ITPR1: variants seen among roughly 807,000 people sequenced by gnomAD.
ITPR1 encodes the protein inositol 1,4,5-trisphosphate-gated calcium channel ITPR1.
ITPR1 carries 96 observed loss-of-function variants against 318.4 expected under a neutral mutation model. The ratio of observed to expected loss-of-function variants is 0.30; its 90% CI spans 0.26 to 0.36. The LOEUF (loss-of-function observed/expected upper bound fraction) is 0.36, where lower values mean the gene tolerates loss of function less well. Among genes scored for constraint, ITPR1 ranks in the 10% least tolerant of loss-of-function variants. ITPR1 has a pLI of 1.00. For missense variants in ITPR1, 2,440 were observed against 3,460.2 expected, an observed-to-expected ratio of 0.71 and a Z score of 7.40; for synonymous variants, 1,312 against 1,289.9, an observed-to-expected ratio of 1.02 and a Z score of -0.37.
chr3:4,825,787 T>G, intron 60 of ITPR1: 1 of 456,816 alleles, frequency 2.2e-6, no homozygotes. Flanking sequence ...AGACACTTTC[T>G]GAAGTTGGGG....
Position 4,542,570 on chromosome 3 carries a change from A to G in ITPR1, c.163+21476A>G, listed in dbSNP as rs140220802. Among the ~76,000 whole-genome samples the G allele has an allele frequency of 7.3e-4, 111 of 152,194 alleles. No individual in the cohort carries two copies. The East Asian group carries it at 0.018, about 25-fold the overall frequency. ...TTATCTTGACTTTGGCTCTAGGTAT[A>G]AGAGAGAAAACTCTCCTCGTAGTTC... On this transcript the variant is annotated intron_variant, in intron 4 of 61. Transcript: ENST00000649015.
rs75162100 is a variant in ITPR1, at chr3:4,767,992, C to T, written c.5726-519C>T. Among the ~76,000 whole-genome samples, 1,249 of 152,270 alleles carry T rather than the reference C, an allele frequency of 8.2e-3. 6 individuals are homozygous for T. Among genetic ancestry groups the T allele is most frequent in the African/African-American group, 0.019 (776 of 41,540 alleles). On this transcript the variant is annotated intron_variant, in intron 45 of 61. Coordinates refer to ENST00000649015, the MANE Select transcript of ITPR1 (RefSeq NM_001378452.1). ...AGCATTCGAACCCAGCGTGTCTGGC[C>T]GCAGAGTCAGTACTGCTAACTGTAA...
intron 2 of ITPR1, among the ~76,000 whole-genome samples, chr3:4,498,938 G>A (rs2080812971): frequency 6.6e-6 from 1 of 152,222 alleles, no homozygotes; most frequent in African/African-American, 2.4e-5. Flanking sequence ...TCCTTAATAA[G>A]TGAAGTGGAC....
At chr3:4,790,691 G>A (rs997213319) in intron 52 of ITPR1, among the ~76,000 whole-genome samples, 1 of 152,200 alleles carries the variant, frequency 6.6e-6, no homozygotes. Flanking sequence ...TTTCCTGAAT[G>A]TATTGCAGAG....
intron 44 of ITPR1, among the ~76,000 whole-genome samples, chr3:4,740,222 G>A (rs1284735376): frequency 6.6e-6 from 1 of 152,172 alleles, no homozygotes; most frequent in Admixed American, 6.5e-5. Context: ...CACCTACCAT[G>A]GGTCAGCCAG....
chr3:4,811,749 G>A (rs1464079367), intron 56 of ITPR1, among the ~76,000 whole-genome samples: 2 of 152,192 alleles, frequency 1.3e-5, no homozygotes, highest in South Asian at 2.1e-4. Context: ...TATTGAGAGC[G>A]TTGGAGTATG....
At chr3:4,604,025 C>G (rs964540013) in intron 4 of ITPR1, among the ~76,000 whole-genome samples, 1 of 152,088 alleles carries the variant, frequency 6.6e-6, no homozygotes, top group Non-Finnish European at 1.5e-5. Context: ...GCTATTCTGA[C>G]TGATGTGAGA....
intron 51 of ITPR1, 111 bp downstream of exon 51, chr3:4,784,031 G>A: frequency 1.4e-6 from 1 of 739,316 alleles, no homozygotes; most frequent in South Asian, 1.8e-5. Flanking sequence ...AAATGTGAGT[G>A]TGTACTGTGT....
intron 17 of ITPR1, among the ~76,000 whole-genome samples, chr3:4,666,718 TG>T (rs1211998576): frequency 3.3e-5 from 5 of 152,222 alleles, no homozygotes; most frequent in Non-Finnish European, 5.9e-5. Context: ...CAGTCTATCT[TG>T]GCCAGGGAAG....
intron 44 of ITPR1, among the ~76,000 whole-genome samples, chr3:4,737,637 C>T (rs1342394220): frequency 6.6e-6 from 1 of 152,208 alleles, no homozygotes. Flanking sequence ...GAGGACTATA[C>T]ACCTGGCAGT....
chr3:4,818,848 CAG>C (rs2049484811), intron 60 of ITPR1, among the ~76,000 whole-genome samples: 1 of 152,176 alleles, frequency 6.6e-6, no homozygotes, highest in Non-Finnish European at 1.5e-5. Flanking sequence ...ACTTCTCGGG[CAG>C]AGTTTGCTGA....
At chr3:4,806,055 A>G (rs41290674) in intron 54 of ITPR1, 48 bp from the exon 55 acceptor site, 2 of 1,485,204 alleles carry the variant, frequency 1.3e-6, no homozygotes, top group Non-Finnish European at 1.8e-6. Context: ...TCTCATGAAG[A>G]GTTTGGCACA....
chr3:4,525,818 A>G (rs2082934304), intron 4 of ITPR1, among the ~76,000 whole-genome samples: 1 of 152,168 alleles, frequency 6.6e-6, no homozygotes, highest in South Asian at 2.1e-4. Context: ...TATCTGTATT[A>G]TCTTTTCCTC....
intron 24 of ITPR1, among the ~76,000 whole-genome samples, 200 bp from the exon 25 acceptor site, chr3:4,680,353 A>G (rs780854633): frequency 6.6e-6 from 1 of 152,212 alleles, no homozygotes; most frequent in East Asian, 1.9e-4. Context: ...CTAAGGTGCT[A>G]TGGGCAGACT....
At chr3:4,661,143 C>T (rs550078109) in intron 14 of ITPR1, 56 bp downstream of exon 14, 3 of 1,013,590 alleles carry the variant, frequency 3.0e-6, no homozygotes, top group Non-Finnish European at 4.7e-6. Context: ...AATGAAAGGG[C>T]TCCTTTGAGG....
At chr3:4,519,083 A>C (rs1404291785) in intron 3 of ITPR1, among the ~76,000 whole-genome samples, 2 of 152,134 alleles carry the variant, frequency 1.3e-5, no homozygotes, top group African/African-American at 4.8e-5. Flanking sequence ...ACAGATGAAA[A>C]AACTGAGACC....
chr3:4,613,803 T>C (rs948319305), intron 4 of ITPR1, among the ~76,000 whole-genome samples: 9 of 152,216 alleles, frequency 5.9e-5, no homozygotes, highest in African/African-American at 2.2e-4. Flanking sequence ...GTATTTCATA[T>C]ATGCATGTGT....
rs2046910377 is a variant in ITPR1, at chr3:4,782,650, G to A, written c.6419G>A (p.Gly2140Asp). 1.2e-6 allele frequency: 2 copies of A among 1,606,136 alleles called. No homozygotes were observed. The highest frequency in any genetic ancestry group is 1.7e-6 in the Non-Finnish European group (2 of 1,175,794). The change falls in exon 50 of 62, where the codon GGT becomes GAT. Residue 2140 changes from glycine to aspartate, a missense_variant. Physicochemically the swap from Gly to Asp is moderately conservative, Grantham distance 94. Transcript: ENST00000649015. Reference protein sequence around the residue: ...VEVIKKAYMQGEVEFEDGENG... With the variant: ...VEVIKKAYMQDEVEFEDGENG... ...GTGATCAAGAAAGCCTACATGCAAGGTGAAGTGGAATTTGAGGATGGAGAA... is the reference window on the plus strand; with the variant it reads ...GTGATCAAGAAAGCCTACATGCAAGATGAAGTGGAATTTGAGGATGGAGAA...
Position 4,811,369 on chromosome 3 carries a change from C to T in ITPR1, c.7377C>T (p.Leu2459=), listed in dbSNP as rs1413319829. The T allele has an allele frequency of 1.1e-5, 17 of 1,613,960 alleles. No homozygotes were observed. Among genetic ancestry groups the T allele is most frequent in the Middle Eastern group, 1.6e-4 (1 of 6,062 alleles). ...IILTAVLALI[L]VYLFSIVGYL... ...TGACAGCAGTTCTGGCTCTGATCCTCGTTTACCTGTTCTCAATAGTGGGCT... is the reference window on the plus strand; with the variant it reads ...TGACAGCAGTTCTGGCTCTGATCCTTGTTTACCTGTTCTCAATAGTGGGCT... Residue 2459 remains leucine, a synonymous_variant, in exon 56 of 62, where the codon CTC becomes CTT. Transcript: ENST00000649015.
Sources: gnomAD v4.1 joint callset for allele counts (sites outside exome capture counted in the v4.1 genomes callset) on GRCh38, gnomAD v4.1.1 for gene constraint, MANE v1.5 for transcripts, NCBI Gene and HGNC (gene_info 2026-07-23, HGNC 2026-07-21) for gene names.